RGS22: variants seen among roughly 807,000 people sequenced by gnomAD.
The protein encoded by RGS22 is regulator of G-protein signaling 22.
A neutral mutation model predicts 172.9 loss-of-function variants in RGS22; 148 were observed. The ratio of observed to expected loss-of-function variants is 0.86; its 90% CI spans 0.75 to 0.98. RGS22 has a LOEUF of 0.98. Ranked by LOEUF, RGS22 falls within the 50% of genes least tolerant of loss-of-function variation. The pLI, the probability that RGS22 is intolerant of heterozygous loss-of-function variation, is 0.00. For missense variants in RGS22, 1,347 were observed against 1,440.8 expected, an observed-to-expected ratio of 0.93 and a Z score of 1.05; for synonymous variants, 458 against 480.2, an observed-to-expected ratio of 0.95 and a Z score of 0.60.
chr8:100,101,535 C>T (rs896375477), intron 2 of RGS22, among the ~76,000 whole-genome samples: 11 of 150,230 alleles, frequency 7.3e-5, no homozygotes, highest in East Asian at 2.0e-4. Context: ...CTTCATGATC[C>T]GCCCACCTTG....
intron 27 of RGS22, among the ~76,000 whole-genome samples, chr8:99,962,032 T>A (rs561606551): frequency 6.6e-6 from 1 of 151,498 alleles, no homozygotes; most frequent in Non-Finnish European, 1.5e-5. Context: ...CACCTCAGAA[T>A]CTGTGTGAGA....
chr8:100,101,148 C>G (rs1368803971), intron 2 of RGS22, among the ~76,000 whole-genome samples: 1 of 152,140 alleles, frequency 6.6e-6, no homozygotes, highest in Non-Finnish European at 1.5e-5. Flanking sequence ...ATGTAAAAGT[C>G]AGGCTCTTAA....
chr8:100,039,978 T>C lies in RGS22; in HGVS notation c.2048A>G (p.Glu683Gly), dbSNP rs765903721. ...CTTTTCTACCTTGTTCCCTGAATGC[T>C]CGCAGAATTTAGTAAAGAAGAATCC... ...RAGFFFTKFC[E>G]HSGNKLWKNS... The change falls in exon 13 of 28, where the codon GAG (glutamate) becomes GGG (glycine). Residue 683 changes from glutamate to glycine, a missense_variant. Coordinates refer to ENST00000360863, the MANE Select transcript of RGS22 (RefSeq NM_015668.5). 1 of 1,567,566 alleles carries C rather than the reference T, an allele frequency of 6.4e-7. No individual in the cohort carries two copies. The highest frequency in any genetic ancestry group is 8.6e-7 in the Non-Finnish European group (1 of 1,157,374).
chr8:100,010,253 C>T lies in RGS22; in HGVS notation c.2167-1684G>A, dbSNP rs139651135. On this transcript the variant is annotated intron_variant, in intron 14 of 27. Coordinates refer to ENST00000360863, the MANE Select transcript of RGS22 (RefSeq NM_015668.5). ...CTGTAATCCCAGCACTTTGGGAGGC[C>T]GAGGCGGGCACATCACGAGGTCAAG... is the stretch of plus-strand genomic sequence containing the variant. Among the ~76,000 whole-genome samples, 971 of 152,046 alleles carry T rather than the reference C, an allele frequency of 6.4e-3. 11 individuals are homozygous for T. The highest frequency in any genetic ancestry group is 0.021 in the African/African-American group (887 of 41,462).
At chr8:100,093,221 C>T (rs965608342) in intron 3 of RGS22, 1 of 421,742 alleles carries the variant, frequency 2.4e-6, no homozygotes, top group African/African-American at 2.1e-5. Flanking sequence ...GTACAGAATG[C>T]TTTTTAATGG....
At chr8:100,060,601 C>T (rs1810053639) in intron 9 of RGS22, among the ~76,000 whole-genome samples, 1 of 151,392 alleles carries the variant, frequency 6.6e-6, no homozygotes. Flanking sequence ...CCTAGGAATA[C>T]AACTAAGAAG....
At chr8:100,051,799 TTATA>T (rs1161821208) in intron 10 of RGS22, among the ~76,000 whole-genome samples, 1 of 43,592 alleles carries the variant, frequency 2.3e-5, no homozygotes, top group Non-Finnish European at 4.0e-5. Flanking sequence ...AAATATATAT[TTATA>T]TATAAATGTT....
chr8:100,028,074 T>TG (rs750648446), intron 14 of RGS22, among the ~76,000 whole-genome samples: 95 of 152,160 alleles, frequency 6.2e-4, no homozygotes, highest in African/African-American at 2.1e-3. Context: ...TTGGTAGATG[T>TG]GGGGGGTCTT....
At chr8:99,996,428 T>A (rs536214230) in intron 20 of RGS22, 34 bp downstream of exon 20, 1 of 1,570,938 alleles carries the variant, frequency 6.4e-7, no homozygotes, top group African/African-American at 1.4e-5. Flanking sequence ...AGAGCAAAAC[T>A]TACAAGAGGA....
chr8:99,972,455 G>T (rs1811464862), intron 23 of RGS22, among the ~76,000 whole-genome samples: 1 of 151,874 alleles, frequency 6.6e-6, no homozygotes, highest in Non-Finnish European at 1.5e-5. Flanking sequence ...ACCATCAGAG[G>T]GAACAGGCAA....
At chr8:100,055,080 T>C (rs954687930) in intron 9 of RGS22, among the ~76,000 whole-genome samples, 1 of 152,208 alleles carries the variant, frequency 6.6e-6, no homozygotes, top group African/African-American at 2.4e-5. Context: ...TGTGGGAACT[T>C]GCCACCCTGA....
chr8:100,051,197 A>G (rs1821240884), intron 10 of RGS22, among the ~76,000 whole-genome samples: 1 of 151,240 alleles, frequency 6.6e-6, no homozygotes, highest in Non-Finnish European at 1.5e-5. Context: ...AGCCCTGGAG[A>G]TTTTTCTGTG....
intron 9 of RGS22, among the ~76,000 whole-genome samples, chr8:100,055,734 C>T (rs1822173073): frequency 6.6e-6 from 1 of 152,158 alleles, no homozygotes; most frequent in Non-Finnish European, 1.5e-5. Flanking sequence ...TTGCCTGCTG[C>T]CATGTAAGAT....
intron 14 of RGS22, among the ~76,000 whole-genome samples, chr8:100,033,219 T>C (rs1257012417): frequency 1.3e-5 from 2 of 152,004 alleles, no homozygotes; most frequent in African/African-American, 4.8e-5. Flanking sequence ...AAAAAATCAA[T>C]GAATCCAGGA....
At chr8:100,077,317 C>T (rs1811428313) in intron 4 of RGS22, among the ~76,000 whole-genome samples, 1 of 152,000 alleles carries the variant, frequency 6.6e-6, no homozygotes, top group African/African-American at 2.4e-5. Context: ...TCTAGTTTCT[C>T]ATAGTGACAA....
chr8:99,961,592 T>C (rs1810201405), intron 27 of RGS22, among the ~76,000 whole-genome samples: 1 of 152,190 alleles, frequency 6.6e-6, no homozygotes, highest in South Asian at 2.1e-4. Flanking sequence ...GTGAGTCAAT[T>C]AAACCTCTTT....
intron 2 of RGS22, among the ~76,000 whole-genome samples, chr8:100,094,408 T>TG (rs1455998756): frequency 5.9e-5 from 9 of 152,192 alleles, no homozygotes; most frequent in African/African-American, 2.2e-4. Flanking sequence ...AAAAATTTAT[T>TG]GAAGTATATA....
At chr8:100,035,055 T>C (rs555279356) in intron 14 of RGS22, among the ~76,000 whole-genome samples, 22 of 152,158 alleles carry the variant, frequency 1.4e-4, no homozygotes, top group Non-Finnish European at 2.9e-4. Context: ...GGGCAAGGAC[T>C]TCATGTCTAA....
chr8:100,063,438 T>A lies in RGS22; in HGVS notation c.1330A>T (p.Lys444Ter), dbSNP rs1810299752. ...TACCTTTGATGTCTTCCAGGATCCT[T>A]AAGAACTTTTAACCTCTCAATATCC... ...WMDIERLKVL[K>*]DPGRHQRHLE... The change falls in exon 8 of 28, where the codon AAG becomes TAG. Residue 444 changes from lysine (K) to a stop codon, truncating the protein, a stop_gained. Coordinates refer to ENST00000360863, the MANE Select transcript of RGS22 (RefSeq NM_015668.5). LOFTEE classifies it high-confidence loss of function. 6.3e-7 allele frequency: 1 copy of A among 1,591,286 alleles called. No individual in the cohort carries two copies. Among genetic ancestry groups the A allele is most frequent in the South Asian group, 1.2e-5 (1 of 86,162 alleles).
Sources: allele counts gnomAD v4.1 joint callset (sites outside exome capture counted in the v4.1 genomes callset), GRCh38; gene constraint gnomAD v4.1.1; transcripts MANE v1.5; gene names NCBI Gene and HGNC (gene_info 2026-07-23, HGNC 2026-07-21).